COMMD1: variants seen among roughly 807,000 people sequenced by gnomAD.
The protein encoded by COMMD1 is COMM domain-containing protein 1.
A neutral mutation model predicts 17.2 loss-of-function variants in COMMD1; 10 were observed. The observed-to-expected ratio is 0.58, with a 90% CI of 0.36 to 0.99. COMMD1 has a LOEUF of 0.99. Ranked by LOEUF, COMMD1 falls within the 50% of genes least tolerant of loss-of-function variation. COMMD1 has a pLI of 0.01. For synonymous variants in COMMD1, 97 were observed against 91.6 expected, an observed-to-expected ratio of 1.06 and a Z score of -0.34; for missense variants, 270 against 231.8, an observed-to-expected ratio of 1.17 and a Z score of -1.07.
intron 2 of COMMD1, among the ~76,000 whole-genome samples, chr2:62,094,436 C>T (rs1422780980): frequency 6.6e-6 from 1 of 152,110 alleles, no homozygotes; most frequent in Non-Finnish European, 1.5e-5. Context: ...TGGATCTAAC[C>T]GTTGACTGAA....
chr2:61,925,476 G>A (rs557587531), intron 1 of COMMD1, among the ~76,000 whole-genome samples: 1 of 152,118 alleles, frequency 6.6e-6, no homozygotes, highest in Non-Finnish European at 1.5e-5. Context: ...ACCTTGTGAC[G>A]TTTATTACAG....
chr2:61,987,029 CT>C (rs1672124577), intron 1 of COMMD1, among the ~76,000 whole-genome samples: 1 of 149,846 alleles, frequency 6.7e-6, no homozygotes, highest in South Asian at 2.2e-4. Flanking sequence ...CCTTTTGCTT[CT>C]TCTTAATTAT....
chr2:61,890,702 G>T (rs562970852), intron 1 of COMMD1, among the ~76,000 whole-genome samples: 1 of 151,578 alleles, frequency 6.6e-6, no homozygotes, highest in Non-Finnish European at 1.5e-5. Context: ...TTAACCGGGG[G>T]TGTAATCCCA....
chr2:61,894,316 G>A (rs1669504688), intron 1 of COMMD1, among the ~76,000 whole-genome samples: 1 of 152,062 alleles, frequency 6.6e-6, no homozygotes, highest in South Asian at 2.1e-4. Flanking sequence ...TGGCCAGGCT[G>A]GTCTTGAACT....
intron 2 of COMMD1, among the ~76,000 whole-genome samples, chr2:62,085,697 A>T (rs1286032721): frequency 6.6e-6 from 1 of 151,824 alleles, no homozygotes; most frequent in Non-Finnish European, 1.5e-5. Context: ...TAAGAAAATG[A>T]GGCTGGGCGT....
chr2:62,078,804 G>A (rs1454384816), intron 2 of COMMD1, among the ~76,000 whole-genome samples: 2 of 151,656 alleles, frequency 1.3e-5, no homozygotes, highest in Non-Finnish European at 2.9e-5. Flanking sequence ...GTGAACCCGG[G>A]AGGCGGAGGT....
intron 2 of COMMD1, among the ~76,000 whole-genome samples, chr2:62,093,075 T>C (rs1336935860): frequency 6.6e-6 from 1 of 152,204 alleles, no homozygotes; most frequent in Non-Finnish European, 1.5e-5. Flanking sequence ...ACTGTGCATT[T>C]CAGAAGGAAT....
At chr2:61,937,422 G>T (rs1670633214) in intron 1 of COMMD1, among the ~76,000 whole-genome samples, 3 of 152,212 alleles carry the variant, frequency 2.0e-5, no homozygotes, top group Admixed American at 2.0e-4. Context: ...TGTTGGGATG[G>T]CATGGCTGGC....
At chr2:61,976,020 C>T (rs553422352) in intron 1 of COMMD1, among the ~76,000 whole-genome samples, 1 of 152,048 alleles carries the variant, frequency 6.6e-6, no homozygotes, top group Non-Finnish European at 1.5e-5. Flanking sequence ...CTGTGTTCTG[C>T]CTACTGGATC....
chr2:62,082,948 C>A (rs997574843), intron 2 of COMMD1, among the ~76,000 whole-genome samples: 6 of 152,078 alleles, frequency 3.9e-5, no homozygotes, highest in Admixed American at 3.9e-4. Context: ...TAGCATCTCT[C>A]ATTTTTAGGA....
chr2:61,960,594 G>C (rs991861853), intron 1 of COMMD1, among the ~76,000 whole-genome samples: 2 of 152,114 alleles, frequency 1.3e-5, no homozygotes, highest in Non-Finnish European at 2.9e-5. Context: ...GCTCCCATTG[G>C]GGGCAGTGTT....
intron 2 of COMMD1, among the ~76,000 whole-genome samples, chr2:62,099,374 A>C (rs1249864704): frequency 6.6e-6 from 1 of 152,194 alleles, no homozygotes; most frequent in Non-Finnish European, 1.5e-5. Flanking sequence ...GCACACAAGA[A>C]AACCAATTTA....
intron 2 of COMMD1, among the ~76,000 whole-genome samples, chr2:62,128,205 G>T (rs1422233457): frequency 6.6e-6 from 1 of 152,038 alleles, no homozygotes; most frequent in Non-Finnish European, 1.5e-5. Flanking sequence ...GCATGCGCCT[G>T]TAGTCCCAGC....
intron 1 of COMMD1, among the ~76,000 whole-genome samples, chr2:61,999,625 T>G (rs1329064382): frequency 6.6e-6 from 1 of 152,232 alleles, no homozygotes; most frequent in Admixed American, 6.5e-5. Context: ...GACAGGGTCT[T>G]GCTGTGTTGC....
At chr2:62,086,731 GA>G (rs1671680899) in intron 2 of COMMD1, among the ~76,000 whole-genome samples, 1 of 152,150 alleles carries the variant, frequency 6.6e-6, no homozygotes, top group Non-Finnish European at 1.5e-5. Flanking sequence ...CCCAGAACTA[GA>G]CAGTGAACCT....
intron 2 of COMMD1, among the ~76,000 whole-genome samples, chr2:62,091,793 T>A (rs1217702049): frequency 6.6e-6 from 1 of 152,198 alleles, no homozygotes; most frequent in Non-Finnish European, 1.5e-5. Flanking sequence ...AACCAGGCAG[T>A]TGTCTCAACT....
chr2:62,060,164 A>G lies in COMMD1; in HGVS notation c.462+59182A>G, dbSNP rs540705278. The stretch of plus-strand genomic sequence containing the variant: ...GGCAACATGGTGAAACCCTGTCTCT[A>G]TGAAAAATACAGAAACATTAGCTGG... On this transcript the variant is annotated intron_variant, in intron 2 of 2. Coordinates refer to ENST00000311832, the MANE Select transcript of COMMD1 (RefSeq NM_152516.4). 4.6e-5 allele frequency among the ~76,000 whole-genome samples: 7 copies of G among 152,220 alleles called. No homozygotes were observed. The South Asian group carries it at 1.2e-3, about 27-fold the overall frequency.
At chr2:61,888,631 G>C (rs377594655), upstream of COMMD1, 73 of 1,207,118 alleles carry the variant, frequency 6.0e-5, no homozygotes, top group African/African-American at 1.1e-3. Context: ...CGGCGCCGGC[G>C]TCGGGAGGAG....
At chr2:61,920,703 G>C (rs1670167453) in intron 1 of COMMD1, among the ~76,000 whole-genome samples, 1 of 151,962 alleles carries the variant, frequency 6.6e-6, no homozygotes, top group Non-Finnish European at 1.5e-5. Context: ...GTAACAATGA[G>C]CTTCTAGTAC....
Sources: gnomAD v4.1 joint callset for allele counts (sites outside exome capture counted in the v4.1 genomes callset) on GRCh38, gnomAD v4.1.1 for gene constraint, MANE v1.5 for transcripts, NCBI Gene and HGNC (gene_info 2026-07-23, HGNC 2026-07-21) for gene names.